SGCZ: variants seen among roughly 807,000 people sequenced by gnomAD.
The protein encoded by SGCZ is sarcoglycan zeta.
Under a neutral mutation model 41.3 loss-of-function variants are expected in SGCZ, and 40 were observed. That is an observed-to-expected ratio of 0.97 (90% confidence interval 0.75 to 1.26). The LOEUF (loss-of-function observed/expected upper bound fraction) is 1.26. Among genes scored for constraint, SGCZ ranks in the 50% most tolerant of loss-of-function variants. The pLI is 0.00. For synonymous variants in SGCZ, 206 were observed against 137.5 expected, an observed-to-expected ratio of 1.50 and a Z score of -3.49; for missense variants, 552 against 369.8, an observed-to-expected ratio of 1.49 and a Z score of -4.04.
At chr8:14,309,201 G>C in intron 3 of SGCZ, 1 of 1,487,394 alleles carries the variant, frequency 6.7e-7, no homozygotes, top group South Asian at 1.1e-5. Flanking sequence ...AACCTGCTGC[G>C]GCTGATCTCT....
chr8:14,644,411 T>G (rs544267501), intron 1 of SGCZ, among the ~76,000 whole-genome samples: 36 of 151,950 alleles, frequency 2.4e-4, no homozygotes, highest in African/African-American at 8.2e-4. Context: ...CACTACACAC[T>G]GCAACATCAA....
chr8:14,956,039 CTTTTTTTT>C (rs71884770), intron 1 of SGCZ, among the ~76,000 whole-genome samples: 1 of 120,226 alleles, frequency 8.3e-6, no homozygotes, highest in Non-Finnish European at 1.7e-5. Flanking sequence ...ACTACTTTTA[CTTTTTTTT>C]TTTTTTTTTT....
chr8:14,579,444 A>G (rs1252133328), intron 1 of SGCZ, among the ~76,000 whole-genome samples: 4 of 152,040 alleles, frequency 2.6e-5, no homozygotes, highest in African/African-American at 7.2e-5. Context: ...TATCTTGTAC[A>G]TTTTTTCTGA....
chr8:14,788,387 G>A (rs1019069513), intron 1 of SGCZ, among the ~76,000 whole-genome samples: 25 of 152,154 alleles, frequency 1.6e-4, no homozygotes, highest in Non-Finnish European at 2.9e-5. Context: ...TTAGGAGGAA[G>A]AAAATGTTCC....
chr8:14,223,545 T>A (rs1719835280), intron 4 of SGCZ, among the ~76,000 whole-genome samples: 2 of 82,276 alleles, frequency 2.4e-5, no homozygotes, highest in South Asian at 1.3e-3. Context: ...AATATATATA[T>A]ATATTTTAAC....
At chr8:14,574,868 G>A (rs998011659) in intron 1 of SGCZ, among the ~76,000 whole-genome samples, 8 of 152,050 alleles carry the variant, frequency 5.3e-5, no homozygotes, top group Non-Finnish European at 1.5e-5. Context: ...CAGTGAATTT[G>A]GAGAAAACTG....
chr8:14,120,819 T>C (rs187790876), intron 5 of SGCZ, among the ~76,000 whole-genome samples: 2 of 152,250 alleles, frequency 1.3e-5, no homozygotes, highest in East Asian at 1.9e-4. Context: ...CATAACCATA[T>C]GTAAGATTAT....
chr8:14,143,119 A>G (rs1803420264), intron 5 of SGCZ, among the ~76,000 whole-genome samples: 1 of 152,150 alleles, frequency 6.6e-6, no homozygotes, highest in South Asian at 2.1e-4. Context: ...ACGCCAATTC[A>G]AATAATAAAA....
intron 1 of SGCZ, among the ~76,000 whole-genome samples, chr8:14,694,011 C>G (rs951937649): frequency 1.3e-5 from 2 of 152,182 alleles, no homozygotes; most frequent in Admixed American, 6.5e-5. Context: ...TCTATTTTGA[C>G]TGTTGCCTGG....
intron 4 of SGCZ, among the ~76,000 whole-genome samples, chr8:14,201,585 G>A (rs1805456637): frequency 6.6e-6 from 1 of 152,136 alleles, no homozygotes; most frequent in Admixed American, 6.5e-5. Context: ...ACGTATTTCA[G>A]AACAGATAAA....
chr8:14,328,010 C>A (rs1802184772), intron 2 of SGCZ, among the ~76,000 whole-genome samples: 2 of 152,128 alleles, frequency 1.3e-5, no homozygotes, highest in African/African-American at 4.8e-5. Flanking sequence ...CTTATAACAC[C>A]GTGTTGTAAA....
rs116462878 is a variant in SGCZ at position 14,095,858 on chromosome 8, T to C, written c.745-5221A>G. ...TTATTCCTACGTATTTCATTCTCTT[T>C]GTAGCACTTGTGAGTGGGAGTTGAC... On this transcript the variant is annotated intron_variant, in intron 7 of 7. Coordinates refer to ENST00000382080, the MANE Select transcript of SGCZ (RefSeq NM_139167.4). Among the ~76,000 whole-genome samples, 383 of 152,292 alleles carry C rather than the reference T, an allele frequency of 2.5e-3. 2 individuals are homozygous for C. Among genetic ancestry groups the C allele is most frequent in the African/African-American group, 9.0e-3 (373 of 41,576 alleles).
chr8:14,353,052 A>C (rs1585397265), intron 2 of SGCZ, among the ~76,000 whole-genome samples: 1 of 151,982 alleles, frequency 6.6e-6, no homozygotes, highest in Admixed American at 6.6e-5. Context: ...CCAAAATTAG[A>C]AGAGAATTAT....
intron 3 of SGCZ, among the ~76,000 whole-genome samples, chr8:14,264,775 C>T (rs1585297698): frequency 6.6e-6 from 1 of 152,098 alleles, no homozygotes; most frequent in Non-Finnish European, 1.5e-5. Flanking sequence ...TCCTGGCTAA[C>T]ACGGTGAAAC....
At chr8:14,480,353 ATTCTC>A (rs1372062854) in intron 2 of SGCZ, among the ~76,000 whole-genome samples, 1 of 151,928 alleles carries the variant, frequency 6.6e-6, no homozygotes, top group Non-Finnish European at 1.5e-5. Flanking sequence ...AGGACACCAT[ATTCTC>A]TTATTTTTTC....
intron 2 of SGCZ, among the ~76,000 whole-genome samples, chr8:14,327,719 A>G (rs775093293): frequency 6.6e-6 from 1 of 152,156 alleles, no homozygotes; most frequent in Non-Finnish European, 1.5e-5. Flanking sequence ...ATGATTTCAG[A>G]TATACCATCA....
chr8:14,094,925 A>G (rs1290105591), intron 7 of SGCZ, among the ~76,000 whole-genome samples: 3 of 152,238 alleles, frequency 2.0e-5, no homozygotes, highest in East Asian at 3.9e-4. Context: ...TTGGCTGCAT[A>G]AATATCTTCT....
intron 3 of SGCZ, among the ~76,000 whole-genome samples, chr8:14,254,893 T>C (rs1190053674): frequency 6.6e-6 from 1 of 152,164 alleles, no homozygotes; most frequent in Non-Finnish European, 1.5e-5. Flanking sequence ...TTCTTCACAA[T>C]TCAGTGACTA....
At chr8:15,188,741 C>T (rs1021292143) in intron 1 of SGCZ, among the ~76,000 whole-genome samples, 4 of 152,008 alleles carry the variant, frequency 2.6e-5, no homozygotes, top group African/African-American at 4.8e-5. Context: ...ACACATGCTG[C>T]AATTATATTT....
Sources: gnomAD v4.1 joint callset for allele counts (sites outside exome capture counted in the v4.1 genomes callset) on GRCh38, gnomAD v4.1.1 for gene constraint, MANE v1.5 for transcripts, NCBI Gene and HGNC (gene_info 2026-07-23, HGNC 2026-07-21) for gene names.